RANBP2: variants seen among roughly 807,000 people sequenced by gnomAD.
RANBP2 encodes the protein RAN binding protein 2, also known as E3 SUMO-protein ligase RanBP2.
In RANBP2, 57 loss-of-function variants were observed where a neutral mutation model predicts 303.6. The observed-to-expected ratio is 0.19, with a 90% CI of 0.15 to 0.23. The LOEUF (loss-of-function observed/expected upper bound fraction) is 0.23. Among genes scored for constraint, RANBP2 ranks in the 10% least tolerant of loss-of-function variants. The probability of loss-of-function intolerance (pLI) is 1.00; values close to 1 mark genes in which losing one functional copy is unlikely to be tolerated. For synonymous variants in RANBP2, 1,167 were observed against 1,301.5 expected (o/e 0.90, Z 2.23); for missense variants, 3,138 against 3,780.8 (o/e 0.83, Z 4.46).
chr2:109,245,839 A>G, the RANBP2 span, among the ~76,000 whole-genome samples: 3 of 152,256 alleles, frequency 2.0e-5, no homozygotes, highest in Non-Finnish European at 4.4e-5. Context: ...TAAATCCATC[A>G]TGAGAGATTG....
At chr2:109,105,745 CG>C in the RANBP2 span, among the ~76,000 whole-genome samples, 3 of 151,106 alleles carry the variant, frequency 2.0e-5, no homozygotes. Context: ...TTAGTAGAGT[CG>C]GGGTGTCATC....
the RANBP2 span, among the ~76,000 whole-genome samples, chr2:109,710,339 G>A: frequency 3.4e-5 from 5 of 148,226 alleles, no homozygotes; most frequent in African/African-American, 5.0e-5. Context: ...CCGAGATAAC[G>A]CCATTGCACT....
chr2:109,486,572 C>T, the RANBP2 span, among the ~76,000 whole-genome samples: 1 of 152,230 alleles, frequency 6.6e-6, no homozygotes, highest in Non-Finnish European at 1.5e-5. Context: ...TTTAAAAGCG[C>T]TCCTATAGCT....
chr2:109,154,462 G>C, the RANBP2 span, among the ~76,000 whole-genome samples: 1 of 152,198 alleles, frequency 6.6e-6, no homozygotes, highest in Admixed American at 6.5e-5. Flanking sequence ...CCTGGGAAGG[G>C]ACCACCAGCC....
the RANBP2 span, among the ~76,000 whole-genome samples, chr2:109,054,873 A>G: frequency 1.3e-5 from 2 of 152,154 alleles, no homozygotes; most frequent in African/African-American, 4.8e-5. Flanking sequence ...AGCCTATTGT[A>G]GAAGTCATGC....
At chr2:109,268,793 T>G in the RANBP2 span, among the ~76,000 whole-genome samples, 1 of 152,108 alleles carries the variant, frequency 6.6e-6, no homozygotes, top group South Asian at 2.1e-4. Context: ...TAGGCTAATG[T>G]GCGTGTTCTG....
the RANBP2 span, among the ~76,000 whole-genome samples, chr2:109,077,456 C>CA: frequency 6.7e-6 from 1 of 150,238 alleles, no homozygotes; most frequent in Non-Finnish European, 1.5e-5. Flanking sequence ...CAAAAATAAA[C>CA]AAGTGGGACT....
the RANBP2 span, among the ~76,000 whole-genome samples, chr2:108,974,316 C>T: frequency 4.9e-5 from 5 of 103,040 alleles, no homozygotes; most frequent in Non-Finnish European, 7.0e-5. Context: ...GGAGACAGAG[C>T]GAGGATCCGT....
chr2:109,655,800 C>T, the RANBP2 span, among the ~76,000 whole-genome samples: 1 of 152,248 alleles, frequency 6.6e-6, no homozygotes, highest in Middle Eastern at 3.4e-3. Flanking sequence ...AATGAGGAAG[C>T]TTGTGGGAAA....
the RANBP2 span, among the ~76,000 whole-genome samples, chr2:109,709,307 AAAAATAAAAT>A: frequency 0.093 from 11,898 of 127,588 alleles, 1,093 homozygotes; most frequent in African/African-American, 0.24. Context: ...ACTGTGTCTC[AAAAATAAAAT>A]AAAATAAAAT....
the RANBP2 span, among the ~76,000 whole-genome samples, chr2:109,690,377 CTT>C: frequency 1.3e-5 from 2 of 152,164 alleles, no homozygotes; most frequent in Non-Finnish European, 2.9e-5. Context: ...TGGTTGCATT[CTT>C]TTGAGTTTCT....
chr2:109,419,652 C>G, the RANBP2 span: 3 of 1,564,716 alleles, frequency 1.9e-6, no homozygotes, highest in Non-Finnish European at 2.6e-6. Context: ...TGTGAGCTGC[C>G]CTTTGTGTCT....
chr2:108,949,289 G>T, the RANBP2 span, among the ~76,000 whole-genome samples: 1 of 152,110 alleles, frequency 6.6e-6, no homozygotes, highest in Non-Finnish European at 1.5e-5. Context: ...GCTAACATAG[G>T]CTATTTTTAA....
chr2:109,139,944 G>A, the RANBP2 span, among the ~76,000 whole-genome samples: 1 of 152,156 alleles, frequency 6.6e-6, no homozygotes, highest in African/African-American at 2.4e-5. Context: ...CTAGGCAGAT[G>A]GAGGCTGTTT....
At chr2:109,411,285 C>T in the RANBP2 span, among the ~76,000 whole-genome samples, 1 of 152,230 alleles carries the variant, frequency 6.6e-6, no homozygotes, top group Non-Finnish European at 1.5e-5. Flanking sequence ...TGTGCCTTTA[C>T]TCAGGAGTTC....
In RANBP2 at chr2:108,753,627, G is replaced by A. The variant is rs1174332280; in HGVS notation, c.2055+64G>A. 8 of 1,592,194 alleles carry A rather than the reference G, an allele frequency of 5.0e-6. No homozygotes were observed. In the Admixed American group the frequency reaches 7.0e-5, roughly 14 times the overall value. On this transcript the variant is annotated intron_variant, in intron 14 of 28. Transcript: ENST00000283195. ...TTTATTTATTATTTTTTTAAAAGAC[G>A]GGGTTTCTCTGTTGGTCGGGCTAGA...
the RANBP2 span, among the ~76,000 whole-genome samples, chr2:109,729,596 G>T: frequency 6.6e-6 from 1 of 152,154 alleles, no homozygotes; most frequent in Non-Finnish European, 1.5e-5. Context: ...GTTGCAGTGA[G>T]CCGAAATCAC....
At chr2:109,016,309 C>T in the RANBP2 span, among the ~76,000 whole-genome samples, 23 of 152,056 alleles carry the variant, frequency 1.5e-4, no homozygotes, top group Admixed American at 6.6e-5. Flanking sequence ...AGGATGGCCT[C>T]GATCTCCTGA....
At chr2:108,904,154 A>G in the RANBP2 span, among the ~76,000 whole-genome samples, 2 of 152,348 alleles carry the variant, frequency 1.3e-5, no homozygotes, top group Non-Finnish European at 2.9e-5. Context: ...AAAATGGGCA[A>G]AAGACATGAA....
Sources: allele counts gnomAD v4.1 joint callset (sites outside exome capture counted in the v4.1 genomes callset), GRCh38; gene constraint gnomAD v4.1.1; transcripts MANE v1.5; gene names NCBI Gene and HGNC (gene_info 2026-07-23, HGNC 2026-07-21).